PLD1: variants seen among roughly 807,000 people sequenced by gnomAD.
PLD1 encodes choline phosphatase 1.
In PLD1, 112 loss-of-function variants were observed where a neutral mutation model predicts 137.1. The observed-to-expected ratio is 0.82, with a 90% CI of 0.70 to 0.96. PLD1 has a LOEUF of 0.96. Among genes scored for constraint, PLD1 ranks in the 40% least tolerant of loss-of-function variants. The pLI, the probability that PLD1 is intolerant of heterozygous loss-of-function variation, is 0.00. For missense variants in PLD1, 1,321 were observed against 1,342.0 expected (o/e 0.98, Z 0.24); for synonymous variants, 431 against 454.7 (o/e 0.95, Z 0.66).
chr3:171,662,777 G>A (rs1711644372), intron 19 of PLD1, among the ~76,000 whole-genome samples: 1 of 152,214 alleles, frequency 6.6e-6, no homozygotes, highest in African/African-American at 2.4e-5. Context: ...ATAGCTGTCT[G>A]TTCCATGGCA....
intron 1 of PLD1, among the ~76,000 whole-genome samples, chr3:171,784,304 A>G (rs925725995): frequency 6.6e-6 from 1 of 152,106 alleles, no homozygotes; most frequent in Non-Finnish European, 1.5e-5. Context: ...ACTAGTCTCA[A>G]AGTAATTATT....
At chr3:171,610,521 A>C (rs904236748) in intron 25 of PLD1, among the ~76,000 whole-genome samples, 2 of 152,228 alleles carry the variant, frequency 1.3e-5, no homozygotes, top group African/African-American at 2.4e-5. Flanking sequence ...AAATTTGTAC[A>C]TAAAAATGTG....
intron 1 of PLD1, among the ~76,000 whole-genome samples, chr3:171,739,059 G>A (rs1371952146): frequency 1.3e-5 from 2 of 152,202 alleles, no homozygotes; most frequent in Non-Finnish European, 2.9e-5. Context: ...GAATGAAAAC[G>A]TGAAGGTGAA....
intron 1 of PLD1, among the ~76,000 whole-genome samples, chr3:171,750,504 C>A (rs968361747): frequency 6.6e-6 from 1 of 151,910 alleles, no homozygotes; most frequent in Admixed American, 6.6e-5. Flanking sequence ...ATAAAAAATT[C>A]ATTAAATTTG....
chr3:171,764,870 A>AGGAAGGAAGGAAG (rs1312215483), intron 1 of PLD1, among the ~76,000 whole-genome samples: 3 of 26,304 alleles, frequency 1.1e-4, no homozygotes, highest in African/African-American at 1.7e-4. Flanking sequence ...AAAGAAAGAA[A>AGGAAGGAAGGAAG]GAAAGAAAGA....
At chr3:171,796,942 G>A (rs953110748) in intron 1 of PLD1, among the ~76,000 whole-genome samples, 4 of 152,202 alleles carry the variant, frequency 2.6e-5, no homozygotes, top group Middle Eastern at 6.8e-3. Flanking sequence ...ACCATCCGTC[G>A]CAATGCCAGA....
chr3:171,789,855 T>C (rs1723149936), intron 1 of PLD1: 1 of 152,240 alleles, frequency 6.6e-6, no homozygotes, highest in Admixed American at 6.5e-5. Context: ...GTCTCTCTCT[T>C]CATGACTACT....
At chr3:171,643,056 T>C in intron 22 of PLD1, 167 bp from the exon 23 acceptor site, 2 of 533,944 alleles carry the variant, frequency 3.7e-6, no homozygotes, top group Non-Finnish European at 6.5e-6. Flanking sequence ...AATATCACTT[T>C]TGTAATGCTA....
At chr3:171,737,504 A>G (rs1719446288) in intron 3 of PLD1, 28 bp downstream of exon 3, 3 of 1,584,136 alleles carry the variant, frequency 1.9e-6, no homozygotes, top group Admixed American at 2.0e-5. Context: ...GACAAAAGAA[A>G]AAAGGGTGAG....
At chr3:171,681,274 T>C (rs1051686650) in intron 16 of PLD1, among the ~76,000 whole-genome samples, 3 of 152,228 alleles carry the variant, frequency 2.0e-5, no homozygotes, top group African/African-American at 4.8e-5. Context: ...TCCAGGTATT[T>C]CCTGGATCCT....
At chr3:171,805,079 T>A (rs1723793749) in intron 1 of PLD1, among the ~76,000 whole-genome samples, 1 of 152,212 alleles carries the variant, frequency 6.6e-6, no homozygotes, top group South Asian at 2.1e-4. Flanking sequence ...TAATATAAAG[T>A]TCATAAGTTT....
At chr3:171,613,219 T>A (rs1281278291) in intron 24 of PLD1, among the ~76,000 whole-genome samples, 1 of 152,206 alleles carries the variant, frequency 6.6e-6, no homozygotes, top group African/African-American at 2.4e-5. Context: ...ATTCTGGGTC[T>A]TTAAGTCATT....
At chr3:171,705,789 A>C (rs1716632161) in intron 11 of PLD1, among the ~76,000 whole-genome samples, 1 of 152,230 alleles carries the variant, frequency 6.6e-6, no homozygotes, top group Non-Finnish European at 1.5e-5. Context: ...CACTACATTT[A>C]GCTCTTAGTA....
At chr3:171,736,417 C>T (rs764555957) in intron 3 of PLD1, among the ~76,000 whole-genome samples, 2 of 152,090 alleles carry the variant, frequency 1.3e-5, no homozygotes, top group African/African-American at 2.4e-5. Flanking sequence ...CATTTACCCC[C>T]ACATGTTATT....
intron 1 of PLD1, among the ~76,000 whole-genome samples, chr3:171,739,703 C>A (rs1436411989): frequency 6.6e-6 from 1 of 152,124 alleles, no homozygotes; most frequent in Non-Finnish European, 1.5e-5. Context: ...AGGAGTTTGC[C>A]ATCCCCTCTT....
intron 5 of PLD1, among the ~76,000 whole-genome samples, chr3:171,734,145 TA>T (rs1375759433): frequency 2.4e-4 from 37 of 152,334 alleles, no homozygotes; most frequent in African/African-American, 8.2e-4. Flanking sequence ...AAACCAAAAC[TA>T]TATAATTTTA....
chr3:171,676,795 G>T lies in PLD1; in HGVS notation c.2035C>A (p.His679Asn), dbSNP rs1560206299. The T allele has an allele frequency of 6.2e-7, 1 of 1,614,192 alleles. No individual in the cohort carries two copies. The highest frequency in any genetic ancestry group is 8.5e-7 in the Non-Finnish European group (1 of 1,180,006). The change falls in exon 18 of 27, where the codon CAT becomes AAT. Residue 679 changes from histidine (H) to asparagine (N), a missense_variant. Physicochemically the swap from His to Asn is moderately conservative, Grantham distance 68. Transcript: ENST00000351298. ...CCGTGGACTGCAGAGGCAATGTCATGCCAGGGCATCCGGGGCGTGGAGTAC... is the reference window on the plus strand; with the variant it reads ...CCGTGGACTGCAGAGGCAATGTCATTCCAGGGCATCCGGGGCGTGGAGTAC... The part of the protein sequence containing the change: ...DRYSTPRMPW[H>N]DIASAVHGKA...
At chr3:171,785,357 CTG>C (rs1364657854) in intron 1 of PLD1, among the ~76,000 whole-genome samples, 2 of 151,744 alleles carry the variant, frequency 1.3e-5, no homozygotes, top group Non-Finnish European at 2.9e-5. Context: ...TACCAAAATA[CTG>C]TGTCATGTCA....
At chr3:171,635,182 T>C (rs1055959217) in intron 23 of PLD1, among the ~76,000 whole-genome samples, 5 of 152,170 alleles carry the variant, frequency 3.3e-5, no homozygotes, top group Non-Finnish European at 5.9e-5. Context: ...TTAATGGACA[T>C]TGGGTTGTTT....
Sources: allele counts gnomAD v4.1 joint callset (sites outside exome capture counted in the v4.1 genomes callset), GRCh38; gene constraint gnomAD v4.1.1; transcripts MANE v1.5; gene names NCBI Gene and HGNC (gene_info 2026-07-23, HGNC 2026-07-21).